The following PELI2 variants were observed in gnomAD, a reference collection of about 807,000 sequenced individuals.
The protein encoded by PELI2 is pellino E3 ubiquitin protein ligase family member 2, also known as E3 ubiquitin-protein ligase pellino homolog 2.
PELI2 carries 23 observed loss-of-function variants against 42.3 expected under a neutral mutation model. The observed-to-expected ratio is 0.54, with a 90% confidence interval of 0.39 to 0.77. The LOEUF (loss-of-function observed/expected upper bound fraction) is 0.77, where lower values mean the gene tolerates loss of function less well. Ranked by LOEUF, PELI2 falls within the 30% of genes least tolerant of loss-of-function variation. PELI2 has a pLI of 0.00. For synonymous variants in PELI2, 245 were observed against 212.2 expected, an observed-to-expected ratio of 1.15 and a Z score of -1.34; for missense variants, 463 against 553.2, an observed-to-expected ratio of 0.84 and a Z score of 1.64.
In PELI2 at chr14:56,168,725, C is replaced by G. The variant is rs569684190; in HGVS notation, c.78-9610C>G. On this transcript the variant is annotated intron_variant, in intron 1 of 5. Transcript: ENST00000267460. Reference sequence around the variant, plus strand: ...AAGTGCCCTTTGCTTTTCCCTCTGCCTTTGTCAAGCAGAAGGAGTTTTGCC... The same window carrying G: ...AAGTGCCCTTTGCTTTTCCCTCTGCGTTTGTCAAGCAGAAGGAGTTTTGCC... Among the ~76,000 whole-genome samples the G allele has an allele frequency of 1.3e-5, 2 of 151,924 alleles. 1 individual carries two copies. The highest frequency in any genetic ancestry group is 1.3e-4 in the Admixed American group (2 of 15,258).
rs141211225 is a variant in PELI2, at chr14:56,166,933, G to A, written c.78-11402G>A. 4.5e-3 allele frequency among the ~76,000 whole-genome samples: 684 copies of A among 152,190 alleles called. 6 individuals are homozygous for A. The highest frequency in any genetic ancestry group is 0.015 in the African/African-American group (622 of 41,524). On this transcript the variant is annotated intron_variant, in intron 1 of 5. Coordinates refer to ENST00000267460, the MANE Select transcript of PELI2 (RefSeq NM_021255.3). The stretch of plus-strand genomic sequence containing the variant: ...CTCCTGAGTAGCTAGGACTACAGGC[G>A]CCTGCCACCACGCCTGACTATTTTT...
intron 1 of PELI2, among the ~76,000 whole-genome samples, chr14:56,127,307 G>A (rs1363834657): frequency 6.6e-6 from 1 of 152,146 alleles, no homozygotes; most frequent in Non-Finnish European, 1.5e-5. Flanking sequence ...TGAAATAACA[G>A]AACTAACAGA....
At chr14:56,229,996 G>T (rs866410826) in intron 2 of PELI2, among the ~76,000 whole-genome samples, 1 of 152,312 alleles carries the variant, frequency 6.6e-6, no homozygotes, top group African/African-American at 2.4e-5. Flanking sequence ...AAGACAGGGT[G>T]TCAGTGATTG....
At chr14:56,237,348 T>A (rs774010324) in intron 2 of PELI2, among the ~76,000 whole-genome samples, 9 of 152,314 alleles carry the variant, frequency 5.9e-5, no homozygotes, top group Admixed American at 1.3e-4. Flanking sequence ...ATTCACAGAA[T>A]CCATGGCAGA....
At chr14:56,183,541 G>A (rs1475237699) in intron 2 of PELI2, among the ~76,000 whole-genome samples, 2 of 152,196 alleles carry the variant, frequency 1.3e-5, no homozygotes, top group African/African-American at 2.4e-5. Flanking sequence ...TTATGTGAAT[G>A]TAGCATGGAA....
chr14:56,170,836 A>G lies in PELI2; in HGVS notation c.78-7499A>G, dbSNP rs372825327. 1.3e-3 allele frequency among the ~76,000 whole-genome samples: 203 copies of G among 152,358 alleles called. 2 individuals carry two copies. The highest frequency in any genetic ancestry group is 4.2e-3 in the African/African-American group (175 of 41,586). Reference sequence around the variant, plus strand: ...AAGACCAACTGTTTGCTCTGCATATATGAAGAGTTAAATTTTCATCACACA... The same window carrying G: ...AAGACCAACTGTTTGCTCTGCATATGTGAAGAGTTAAATTTTCATCACACA... On this transcript the variant is annotated intron_variant, in intron 1 of 5. Transcript: ENST00000267460.
chr14:56,286,091 G>A (rs959532990), intron 3 of PELI2, among the ~76,000 whole-genome samples: 1 of 152,136 alleles, frequency 6.6e-6, no homozygotes, highest in Non-Finnish European at 1.5e-5. Context: ...AACAACAACA[G>A]CAACTATACT....
intron 1 of PELI2, among the ~76,000 whole-genome samples, chr14:56,168,270 C>G (rs1047998695): frequency 3.3e-5 from 5 of 152,170 alleles, no homozygotes; most frequent in African/African-American, 9.6e-5. Context: ...CGTGCCCCCC[C>G]CCAGACCCTG....
At chr14:56,142,719 A>G (rs1883961192) in intron 1 of PELI2, among the ~76,000 whole-genome samples, 1 of 152,008 alleles carries the variant, frequency 6.6e-6, no homozygotes, top group Non-Finnish European at 1.5e-5. Flanking sequence ...TATTTATAAT[A>G]CTTATTTTTA....
chr14:56,192,145 G>A (rs964170304), intron 2 of PELI2, among the ~76,000 whole-genome samples: 8 of 152,168 alleles, frequency 5.3e-5, no homozygotes, highest in East Asian at 1.9e-4. Flanking sequence ...GTGAGCCACC[G>A]CACTTGGCCA....
At chr14:56,225,054 C>A (rs1887292075) in intron 2 of PELI2, among the ~76,000 whole-genome samples, 1 of 152,198 alleles carries the variant, frequency 6.6e-6, no homozygotes, top group Non-Finnish European at 1.5e-5. Context: ...CCATAGCCTA[C>A]CGTAATGCTG....
chr14:56,241,284 T>TA (rs1405675844), intron 2 of PELI2, among the ~76,000 whole-genome samples: 2,182 of 152,034 alleles, frequency 0.014, 23 homozygotes, highest in Middle Eastern at 0.058. Context: ...TCTTAAGATT[T>TA]AAAAAAATCC....
chr14:56,121,993 G>A (rs1276503460), intron 1 of PELI2, among the ~76,000 whole-genome samples: 5 of 152,166 alleles, frequency 3.3e-5, no homozygotes, highest in Non-Finnish European at 7.3e-5. Context: ...ATTGGTGTTA[G>A]GTTACCCATG....
At chr14:56,238,304 T>G (rs1197045739) in intron 2 of PELI2, among the ~76,000 whole-genome samples, 1 of 152,224 alleles carries the variant, frequency 6.6e-6, no homozygotes, top group Non-Finnish European at 1.5e-5. Context: ...GGGAAGAGAT[T>G]AAAGTTCTTA....
At chr14:56,286,470 A>ATG (rs1490235974) in intron 3 of PELI2, among the ~76,000 whole-genome samples, 1 of 152,210 alleles carries the variant, frequency 6.6e-6, no homozygotes, top group Non-Finnish European at 1.5e-5. Context: ...TTATATATAT[A>ATG]AAATTTAACA....
chr14:56,225,870 CTGG>C (rs1483501472), intron 2 of PELI2, among the ~76,000 whole-genome samples: 1 of 152,146 alleles, frequency 6.6e-6, no homozygotes, highest in African/African-American at 2.4e-5. Flanking sequence ...AGTCCCCATT[CTGG>C]TGTTTGGGGA....
Position 56,293,727 on chromosome 14 carries a change from C to T in PELI2, c.697-2873C>T, listed in dbSNP as rs536284333. Among the ~76,000 whole-genome samples the T allele has an allele frequency of 6.5e-4, 99 of 152,122 alleles. 1 individual carries two copies. The highest frequency in any genetic ancestry group is 2.4e-4 in the Non-Finnish European group (16 of 67,988). ...GATGAGCACAGTCATGAGAAGGTAC[C>T]GAAGGTACTTTCCCTCCACAGGACA... On this transcript the variant is annotated intron_variant, in intron 5 of 5. Coordinates refer to ENST00000267460, the MANE Select transcript of PELI2 (RefSeq NM_021255.3).
rs1226717839 is a variant in PELI2, at chr14:56,298,330, T to TG, written c.*1165dup. The TG allele has an allele frequency of 1.2e-4, 7 of 57,878 alleles. No homozygotes were observed. The highest frequency in any genetic ancestry group is 9.9e-4 in the Admixed American group (7 of 7,088). 3.6% of individuals were successfully genotyped at this position (57,878 alleles called of 1,614,324 possible). A position where few individuals can be genotyped will look rare whatever the true frequency, so the allele number is the denominator to read the frequency against. On this transcript the variant is annotated 3_prime_UTR_variant, in exon 6 of 6. Transcript: ENST00000267460. ...AAATTCCTGCTTTTGAGAGAGCAAA[T>TG]GAGTGTTGCTGAGGAATAATTAAAT...
chr14:56,169,029 C>T (rs921793240), intron 1 of PELI2, among the ~76,000 whole-genome samples: 12 of 152,114 alleles, frequency 7.9e-5, no homozygotes, highest in Admixed American at 2.6e-4. Context: ...TATCCTGCTG[C>T]GGCTCAGCTG....
Sources: allele counts gnomAD v4.1 joint callset (sites outside exome capture counted in the v4.1 genomes callset), GRCh38; gene constraint gnomAD v4.1.1; transcripts MANE v1.5; gene names NCBI Gene and HGNC (gene_info 2026-07-23, HGNC 2026-07-21).